The following HSF1 variants were observed in gnomAD, a reference collection of about 807,000 sequenced individuals.
The protein encoded by HSF1 is heat shock transcription factor 1, also known as heat shock factor protein 1.
A neutral mutation model predicts 51.7 loss-of-function variants in HSF1; 32 were observed. That is an observed-to-expected ratio of 0.62 (90% CI 0.47 to 0.83). HSF1 has a LOEUF of 0.83. Among genes scored for constraint, HSF1 ranks in the 40% least tolerant of loss-of-function variants. HSF1 has a pLI of 0.00. For missense variants in HSF1, 727 were observed against 717.0 expected, an observed-to-expected ratio of 1.01 and a Z score of -0.16; for synonymous variants, 396 against 309.7, an observed-to-expected ratio of 1.28 and a Z score of -2.92.
intron 1 of HSF1, among the ~76,000 whole-genome samples, chr8:144,300,297 A>G (rs1358214835): frequency 6.8e-6 from 1 of 146,026 alleles, no homozygotes; most frequent in Admixed American, 7.1e-5. Context: ...GCTCACTGCA[A>G]CCTCCACCTC....
At chr8:144,292,366 G>A (rs1815149484) in intron 1 of HSF1, 1 of 152,530 alleles carries the variant, frequency 6.6e-6, no homozygotes, top group Admixed American at 6.5e-5. Context: ...ACAGTAAGAC[G>A]TCATGAAGCT....
chr8:144,312,800 G>T, intron 9 of HSF1: 1 of 1,242,784 alleles, frequency 8.0e-7, no homozygotes, highest in Non-Finnish European at 1.1e-6. Flanking sequence ...AGCCTGGCCG[G>T]GCATGAGCGT....
intron 1 of HSF1, among the ~76,000 whole-genome samples, chr8:144,299,044 C>T (rs1157331575): frequency 6.6e-6 from 1 of 152,134 alleles, no homozygotes; most frequent in Non-Finnish European, 1.5e-5. Flanking sequence ...GGAAGTGGCG[C>T]AGAATAAGCT....
At chr8:144,296,315 G>A (rs1301253616) in intron 1 of HSF1, among the ~76,000 whole-genome samples, 2 of 152,230 alleles carry the variant, frequency 1.3e-5, no homozygotes, top group Non-Finnish European at 2.9e-5. Context: ...ACGGCAGGCA[G>A]GGCCACCCCT....
At chr8:144,312,967 C>T in intron 9 of HSF1, 1 of 561,930 alleles carries the variant, frequency 1.8e-6, no homozygotes. Context: ...AGGATCCAGA[C>T]TGCGGTGCTG....
rs567999073 is a variant in HSF1 at position 144,314,717 on chromosome 8, A to G, written c.*387A>G. On this transcript the variant is annotated 3_prime_UTR_variant, in exon 13 of 13. Transcript: ENST00000528838. ...AGAGATCTATAAACAGACAGGCTCT[A>G]TGCTATGGCCTCCATGTGTTTCCTC... The G allele has an allele frequency of 1.7e-5, 4 of 238,306 alleles. No individual in the cohort carries two copies. Among genetic ancestry groups the G allele is most frequent in the Non-Finnish European group, 3.3e-5 (4 of 121,856 alleles). The allele number at this position is 238,306 out of a possible 1,614,324, so 14.8% of individuals were successfully genotyped here.
chr8:144,312,545 A>G (rs1441188632), intron 9 of HSF1: 5 of 1,226,958 alleles, frequency 4.1e-6, no homozygotes, highest in African/African-American at 1.5e-5. Flanking sequence ...GCCCAGACAC[A>G]TGGCAGGAGA....
rs781785733 is a variant in HSF1 at position 144,313,869 on chromosome 8, GC to G, written c.1275del (p.Asp426ThrfsTer2). ...AGCTGTTCAGCCCCTCGGTGACCGT[GC>G]CCGACATGAGCCTGCCTGACCTTGA... The part of the protein sequence containing the change: ...LDLFSPSVTV[P>X]DMSLPDLDSS... On this transcript the variant is annotated frameshift_variant, in exon 11 of 13. Coordinates refer to ENST00000528838, the MANE Select transcript of HSF1 (RefSeq NM_005526.4). LOFTEE classifies it high-confidence loss of function. 1.2e-6 allele frequency: 2 copies of G among 1,601,390 alleles called. No homozygotes were observed. The highest frequency in any genetic ancestry group is 1.7e-6 in the Non-Finnish European group (2 of 1,176,918).
intron 9 of HSF1, 40 bp from the exon 10 acceptor site, chr8:144,313,471 C>G (rs782780195): frequency 7.5e-7 from 1 of 1,340,700 alleles, no homozygotes. Context: ...GGGTGTGGGG[C>G]CTGGGGCACT....
At chr8:144,312,356 AC>A (rs1383028377) in intron 9 of HSF1, 112 bp downstream of exon 9, 8 of 854,856 alleles carry the variant, frequency 9.4e-6, no homozygotes, top group Admixed American at 2.6e-5. Context: ...GCAGGACCCT[AC>A]CCCCAACCTC....
At chr8:144,305,721 T>TA (rs1384130590) in intron 1 of HSF1, among the ~76,000 whole-genome samples, 88 of 133,652 alleles carry the variant, frequency 6.6e-4, no homozygotes, top group African/African-American at 2.2e-3. Flanking sequence ...CCCCTCTGGT[T>TA]AATTTTTTTT....
chr8:144,313,677 CCCCG>C (rs1816912451), intron 10 of HSF1, 61 bp downstream of exon 10: 1 of 128,946 alleles, frequency 7.8e-6, no homozygotes, highest in Non-Finnish European at 1.5e-5. Context: ...CGCCCCGCCT[CCCCG>C]CCCCGCCTCC....
chr8:144,312,920 C>G (rs1816786959), intron 9 of HSF1: 1 of 594,446 alleles, frequency 1.7e-6, no homozygotes, highest in South Asian at 2.0e-5. Flanking sequence ...ATGACAGGGA[C>G]AGGCCTCCCT....
intron 1 of HSF1, among the ~76,000 whole-genome samples, chr8:144,295,531 G>A (rs141031523): frequency 1.6e-3 from 237 of 152,306 alleles, no homozygotes; most frequent in Middle Eastern, 6.8e-3. Flanking sequence ...GGCCAGAGGG[G>A]GCACCTGGGT....
In HSF1 at chr8:144,314,213, G is replaced by A. The variant is rs1554846127; in HGVS notation, c.1473G>A (p.Leu491=). The A allele has an allele frequency of 1.3e-6, 2 of 1,550,210 alleles. No individual in the cohort carries two copies. The highest frequency in any genetic ancestry group is 2.0e-5 in the Admixed American group (1 of 51,022). Residue 491 remains leucine (L), a synonymous_variant, in exon 13 of 13, where the codon CTG becomes CTA. Coordinates refer to ENST00000528838, the MANE Select transcript of HSF1 (RefSeq NM_005526.4). The part of the protein sequence containing the change: ...VDTGSNDLPV[L]FELGEGSYFS... ...CCGGGAGCAACGACCTGCCGGTGCT[G>A]TTTGAGCTGGGAGAGGGCTCCTACT...
chr8:144,311,006 C>T (rs1408712100), intron 4 of HSF1, 168 bp from the exon 5 acceptor site: 1 of 646,726 alleles, frequency 1.5e-6, no homozygotes, highest in Non-Finnish European at 2.6e-6. Flanking sequence ...AGCCCTGGCC[C>T]TGGCCCCCAG....
In HSF1 at chr8:144,297,757, G is replaced by A. The variant is rs1815566433; in HGVS notation, c.117+5883G>A. Among the ~76,000 whole-genome samples the A allele has an allele frequency of 6.6e-6, 1 of 152,232 alleles. No individual in the cohort carries two copies. Among genetic ancestry groups the A allele is most frequent in the African/African-American group, 2.4e-5 (1 of 41,460 alleles). On this transcript the variant is annotated intron_variant, in intron 1 of 12. Transcript: ENST00000528838. The surrounding 1 kb of genome is among the most constrained non-coding windows in gnomAD (Gnocchi z 4.6). ...CAGGAGCCCAGATCACCGGTCAGCAGATACAGCTTTGACTTGGCAGGAGGC... is the reference window on the plus strand; with the variant it reads ...CAGGAGCCCAGATCACCGGTCAGCAAATACAGCTTTGACTTGGCAGGAGGC...
Position 144,311,547 on chromosome 8 carries a change from C to A in HSF1, c.669C>A (p.Pro223=), listed in dbSNP as rs910539622. ...ACAGTGGCTCAGCACATTCCATGCC[C>A]AAGTATAGCCGGCAGTTCTCCCTGG... is the stretch of plus-strand genomic sequence containing the variant. ...LNDSGSAHSM[P]KYSRQFSLEH... Residue 223 remains proline (P), a synonymous_variant, in exon 7 of 13, where the codon CCC becomes CCA. Transcript: ENST00000528838. 2 of 1,613,766 alleles carry A rather than the reference C, an allele frequency of 1.2e-6. No homozygotes were observed. Among genetic ancestry groups the A allele is most frequent in the Non-Finnish European group, 1.7e-6 (2 of 1,179,990 alleles).
In HSF1 at chr8:144,311,393, G is replaced by A. The variant is rs1816644039; in HGVS notation, c.626+11G>A. 1 of 1,613,720 alleles carries A rather than the reference G, an allele frequency of 6.2e-7. No individual in the cohort carries two copies. The highest frequency in any genetic ancestry group is 8.5e-7 in the Non-Finnish European group (1 of 1,179,968). On this transcript the variant is annotated intron_variant, in intron 6 of 12. Transcript: ENST00000528838. ...GGTGAAGAGAAAGATGTGAGGTTTTGGGGATGCCTGCATCCACCACCCGGG... is the reference window on the plus strand; with the variant it reads ...GGTGAAGAGAAAGATGTGAGGTTTTAGGGATGCCTGCATCCACCACCCGGG...
Sources: allele counts gnomAD v4.1 joint callset (sites outside exome capture counted in the v4.1 genomes callset), GRCh38; gene constraint gnomAD v4.1.1; non-coding constraint Gnocchi (gnomAD v3.1); transcripts MANE v1.5; gene names NCBI Gene and HGNC (gene_info 2026-07-23, HGNC 2026-07-21).